Variants in NUP62CL observed in about 807,000 individuals in gnomAD.
The protein encoded by NUP62CL is nucleoporin-62 C-terminal-like protein.
A neutral mutation model predicts 15.3 loss-of-function variants in NUP62CL; 13 were observed. That is an observed-to-expected ratio of 0.85 (90% CI 0.55 to 1.35). The LOEUF is 1.35. NUP62CL is among the 40% of genes most tolerant of loss of function. The probability of loss-of-function intolerance (pLI) is 0.00; values close to 1 mark genes in which losing one functional copy is unlikely to be tolerated. For missense variants in NUP62CL, 123 were observed against 130.6 expected (o/e 0.94, Z 0.28); for synonymous variants, 54 against 49.2 (o/e 1.10, Z -0.41).
At chrX:107,179,439 A>G (rs1206585573) in intron 2 of NUP62CL, among the ~76,000 whole-genome samples, 1 of 111,009 alleles carries the variant, frequency 9.0e-6, no homozygotes, top group African/African-American at 3.3e-5. Context: ...TGGAGTCCCT[A>G]GTGTTTATTA....
intron 1 of NUP62CL, among the ~76,000 whole-genome samples, chrX:107,203,789 G>T (rs191981409): frequency 9.0e-6 from 1 of 111,400 alleles, no homozygotes; most frequent in African/African-American, 3.3e-5. Flanking sequence ...GATAGGAGGG[G>T]AACAGAATTA....
chrX:107,175,037 T>A (rs991262944), intron 3 of NUP62CL, 52 bp downstream of exon 3: 8 of 940,323 alleles, frequency 8.5e-6, no homozygotes, highest in Non-Finnish European at 1.2e-5. Flanking sequence ...GCAAACTGAG[T>A]AAGGTGGCAT....
intron 2 of NUP62CL, among the ~76,000 whole-genome samples, chrX:107,178,935 TA>T (rs1004051735): frequency 9.6e-5 from 10 of 103,996 alleles, no homozygotes; most frequent in Admixed American, 1.0e-4. Context: ...CTACTAAAAA[TA>T]AAAAAAAAAT....
chrX:107,136,977 T>C (rs752476772), intron 8 of NUP62CL, among the ~76,000 whole-genome samples: 118 of 111,864 alleles, frequency 1.1e-3, no homozygotes, highest in African/African-American at 3.7e-3. Flanking sequence ...GGCAGGAGAA[T>C]CGCTTGAACC....
chrX:107,145,878 T>C (rs6523925), intron 8 of NUP62CL, among the ~76,000 whole-genome samples: 34,109 of 110,264 alleles, frequency 0.31, 5,131 homozygotes, highest in African/African-American at 0.56. Context: ...CAATTATCTT[T>C]CAGAATGTCT....
chrX:107,165,382 C>T (rs978505009), intron 4 of NUP62CL, among the ~76,000 whole-genome samples: 1 of 110,341 alleles, frequency 9.1e-6, no homozygotes, highest in East Asian at 2.8e-4. Flanking sequence ...GAGAAGTTTT[C>T]GCTAGAGAAT....
chrX:107,131,584 A>G, intron 8 of NUP62CL: 2 of 427,172 alleles, frequency 4.7e-6, no homozygotes, highest in Non-Finnish European at 4.1e-6. Context: ...GCCGGTACTC[A>G]AGATGGCAGC....
chrX:107,131,645 G>A (rs937685425), intron 8 of NUP62CL: 2 of 566,366 alleles, frequency 3.5e-6, no homozygotes, highest in Admixed American at 4.8e-5. Flanking sequence ...CAAGGCCGCG[G>A]CCGACTAGCG....
chrX:107,185,486 A>G lies in NUP62CL; in HGVS notation c.-48+7543T>C, dbSNP rs1229954647. Among the ~76,000 whole-genome samples, 4 of 111,159 alleles carry G rather than the reference A, an allele frequency of 3.6e-5. No individual in the cohort carries two copies. The East Asian group carries it at 1.1e-3, about 31-fold the overall frequency. ...GGTTAAGGGACATACAGGGAGGAACAATTTTTAGACTTCACTCAAACTGGT... is the reference window on the plus strand; with the variant it reads ...GGTTAAGGGACATACAGGGAGGAACGATTTTTAGACTTCACTCAAACTGGT... On this transcript the variant is annotated intron_variant, in intron 2 of 8. Coordinates refer to ENST00000372466, the MANE Select transcript of NUP62CL (RefSeq NM_017681.3).
At chrX:107,154,947 AG>A (rs1345908725) in intron 4 of NUP62CL, among the ~76,000 whole-genome samples, 4 of 112,178 alleles carry the variant, frequency 3.6e-5, no homozygotes, top group African/African-American at 1.3e-4. Context: ...TCAATGAGGC[AG>A]AATGAGGCAG....
chrX:107,183,570 G>A (rs191528090), intron 2 of NUP62CL, among the ~76,000 whole-genome samples: 3 of 111,917 alleles, frequency 2.7e-5, no homozygotes, highest in African/African-American at 9.7e-5. Context: ...AGTTCCCTAG[G>A]TTTTCTTTTT....
chrX:107,163,086 T>C (rs1175218722), intron 4 of NUP62CL, among the ~76,000 whole-genome samples: 3 of 111,684 alleles, frequency 2.7e-5, no homozygotes, highest in East Asian at 5.6e-4. Context: ...AATATCAAAA[T>C]GGGTATAGAC....
At chrX:107,165,313 A>T (rs185075137) in intron 4 of NUP62CL, among the ~76,000 whole-genome samples, 2,005 of 109,525 alleles carry the variant, frequency 0.018, 30 homozygotes, top group African/African-American at 0.052. Context: ...TCAAAAAAAA[A>T]AATAATAATA....
intron 1 of NUP62CL, among the ~76,000 whole-genome samples, chrX:107,194,811 CTT>C (rs1174813324): frequency 7.1e-3 from 327 of 46,199 alleles, no homozygotes; most frequent in African/African-American, 0.027. Flanking sequence ...TTCTTTCTCT[CTT>C]TTTTTTTTTT....
At chrX:107,201,230 T>A (rs1368679096) in intron 1 of NUP62CL, among the ~76,000 whole-genome samples, 1 of 111,682 alleles carries the variant, frequency 9.0e-6, no homozygotes, top group African/African-American at 3.3e-5. Context: ...TTACCCATTT[T>A]AAACTGTACA....
chrX:107,147,945 A>T (rs1925918951), intron 7 of NUP62CL, 136 bp from the exon 8 acceptor site: 1 of 468,410 alleles, frequency 2.1e-6, no homozygotes, highest in African/African-American at 2.4e-5. Flanking sequence ...CTAAATACTA[A>T]TTTTTTTGTT....
chrX:107,204,362 G>C (rs1253467265), intron 1 of NUP62CL, among the ~76,000 whole-genome samples: 1 of 111,231 alleles, frequency 9.0e-6, no homozygotes, highest in East Asian at 2.8e-4. Flanking sequence ...CTGTATTTCC[G>C]ACATTGTTCA....
chrX:107,174,117 C>T (rs1247334796), intron 3 of NUP62CL, among the ~76,000 whole-genome samples: 2 of 77,776 alleles, frequency 2.6e-5, no homozygotes, highest in Non-Finnish European at 2.4e-5. Context: ...CTCCCTCCCT[C>T]TCTCTCCCCC....
intron 3 of NUP62CL, among the ~76,000 whole-genome samples, chrX:107,170,009 A>C (rs1284371153): frequency 9.0e-6 from 1 of 110,556 alleles, no homozygotes; most frequent in Admixed American, 9.7e-5. Context: ...CAGGAGTTTG[A>C]GACGAGCCTG....
Sources: gnomAD v4.1 joint callset for allele counts (sites outside exome capture counted in the v4.1 genomes callset) on GRCh38, gnomAD v4.1.1 for gene constraint, MANE v1.5 for transcripts, NCBI Gene and HGNC (gene_info 2026-07-23, HGNC 2026-07-21) for gene names.